The following BMP2K variants were observed in gnomAD, a reference collection of about 807,000 sequenced individuals.
BMP2K encodes the protein BMP2 inducible kinase.
Under a neutral mutation model 116.0 loss-of-function variants are expected in BMP2K, and 74 were observed. The ratio of observed to expected loss-of-function variants is 0.64; its 90% CI spans 0.53 to 0.77. The LOEUF (loss-of-function observed/expected upper bound fraction) is 0.77, where lower values mean the gene tolerates loss of function less well. Ranked by LOEUF, BMP2K falls within the 30% of genes least tolerant of loss-of-function variation. The probability of loss-of-function intolerance (pLI) is 0.00; values close to 1 mark genes in which losing one functional copy is unlikely to be tolerated. For synonymous variants in BMP2K, 486 were observed against 502.5 expected, an observed-to-expected ratio of 0.97 and a Z score of 0.44; for missense variants, 1,365 against 1,403.6, an observed-to-expected ratio of 0.97 and a Z score of 0.44.
chr4:78,865,961 A>G (rs1205659728), intron 10 of BMP2K, among the ~76,000 whole-genome samples: 1 of 152,210 alleles, frequency 6.6e-6, no homozygotes, highest in African/African-American at 2.4e-5. Context: ...TTGCTTTGAT[A>G]CTATAAATAC....
At chr4:78,785,685 C>T (rs1727693362) in intron 1 of BMP2K, among the ~76,000 whole-genome samples, 2 of 152,154 alleles carry the variant, frequency 1.3e-5, no homozygotes, top group Admixed American at 1.3e-4. Context: ...TATGACAGTA[C>T]TTTCTCTGAT....
At chr4:78,830,221 G>C (rs527664854) in intron 2 of BMP2K, among the ~76,000 whole-genome samples, 77 of 152,266 alleles carry the variant, frequency 5.1e-4, no homozygotes, top group African/African-American at 1.7e-3. Flanking sequence ...GCTCATGGGT[G>C]ACTAGGTACG....
At chr4:78,818,790 GTTT>G (rs373252130) in intron 1 of BMP2K, among the ~76,000 whole-genome samples, 14 of 129,412 alleles carry the variant, frequency 1.1e-4, no homozygotes, top group Admixed American at 3.1e-4. Flanking sequence ...ATGAAGCAGT[GTTT>G]TTTTTTTTTT....
Position 78,844,970 on chromosome 4 carries a change from T to C in BMP2K, c.589T>C (p.Cys197Arg). Residue 197 changes from cysteine to arginine, a missense_variant, in exon 5 of 16, where the codon TGT becomes CGT. Around this residue, in one of 3 missense-constraint regions of BMP2K, gnomAD observed 762 missense variants for 756.7 expected, o/e 1.01. Coordinates refer to ENST00000502613, the MANE Select transcript of BMP2K (RefSeq NM_198892.2). ...GAATGATGGTGGGAACTATGTACTTTGTGACTTTGGCAGTGCCACTAATAA... is the reference window on the plus strand; with the variant it reads ...GAATGATGGTGGGAACTATGTACTTCGTGACTTTGGCAGTGCCACTAATAA... ...LLNDGGNYVL[C>R]DFGSATNKFL... 1 of 1,600,832 alleles carries C rather than the reference T, an allele frequency of 6.2e-7. No homozygotes were observed. The highest frequency in any genetic ancestry group is 8.6e-7 in the Non-Finnish European group (1 of 1,169,292).
chr4:78,781,519 A>G (rs1727504829), intron 1 of BMP2K, among the ~76,000 whole-genome samples: 1 of 152,030 alleles, frequency 6.6e-6, no homozygotes, highest in South Asian at 2.1e-4. Flanking sequence ...GGAAATATCA[A>G]ATGGGAAGCT....
At chr4:78,873,394 G>T (rs1185430653) in intron 13 of BMP2K, among the ~76,000 whole-genome samples, 1 of 152,134 alleles carries the variant, frequency 6.6e-6, no homozygotes, top group Non-Finnish European at 1.5e-5. Flanking sequence ...ACGTGCTTTA[G>T]CATCTTGTAA....
rs145541615 is a variant in BMP2K, at chr4:78,904,494, C to A, written c.2063-6116C>A. On this transcript the variant is annotated intron_variant, in intron 15 of 15. Coordinates refer to ENST00000502613, the MANE Select transcript of BMP2K (RefSeq NM_198892.2). ...ATTTTCCTGAGAGACTGTTTACAAG[C>A]CACACAAGATAATTTAAAACTTTAT... Among the ~76,000 whole-genome samples, 347 of 152,000 alleles carry A rather than the reference C, an allele frequency of 2.3e-3. 5 individuals are homozygous for A. The highest frequency in any genetic ancestry group is 7.9e-3 in the African/African-American group (327 of 41,534).
chr4:78,836,647 CTT>C (rs1297559820), intron 3 of BMP2K, among the ~76,000 whole-genome samples: 1 of 152,158 alleles, frequency 6.6e-6, no homozygotes, highest in Non-Finnish European at 1.5e-5. Context: ...ATTTGGAAGA[CTT>C]TGTTTTTCAG....
intron 1 of BMP2K, among the ~76,000 whole-genome samples, chr4:78,810,209 T>G (rs577036808): frequency 2.0e-5 from 3 of 152,186 alleles, no homozygotes; most frequent in Admixed American, 6.5e-5. Flanking sequence ...AATTCAATAC[T>G]CCAATGCAGT....
intron 4 of BMP2K, among the ~76,000 whole-genome samples, chr4:78,842,941 G>A (rs1335816720): frequency 6.6e-6 from 1 of 151,950 alleles, no homozygotes; most frequent in African/African-American, 2.4e-5. Context: ...GAGACCATAA[G>A]TGGGTCTCTT....
At chr4:78,823,540 A>T (rs1560515826) in intron 1 of BMP2K, among the ~76,000 whole-genome samples, 1 of 146,938 alleles carries the variant, frequency 6.8e-6, no homozygotes, top group African/African-American at 2.5e-5. Flanking sequence ...ATATATGGTT[A>T]TATATATAGT....
intron 1 of BMP2K, among the ~76,000 whole-genome samples, chr4:78,821,923 C>T (rs1263182148): frequency 6.6e-6 from 1 of 152,006 alleles, no homozygotes; most frequent in East Asian, 1.9e-4. Context: ...TTAATTAAAG[C>T]ATGGAAATGA....
At chr4:78,802,542 C>A (rs551856163) in intron 1 of BMP2K, among the ~76,000 whole-genome samples, 1 of 152,276 alleles carries the variant, frequency 6.6e-6, no homozygotes, top group African/African-American at 2.4e-5. Flanking sequence ...TACATACAGT[C>A]TCCTAAATAT....
intron 1 of BMP2K, among the ~76,000 whole-genome samples, chr4:78,801,786 ACT>A (rs1023249561): frequency 6.6e-5 from 10 of 152,118 alleles, no homozygotes; most frequent in Non-Finnish European, 1.3e-4. Context: ...AACTCCTGTC[ACT>A]GTCTTCTCTC....
chr4:78,777,699 C>T (rs1394232047), intron 1 of BMP2K, among the ~76,000 whole-genome samples: 1 of 152,082 alleles, frequency 6.6e-6, no homozygotes, highest in African/African-American at 2.4e-5. Context: ...TAAAAAAAAT[C>T]GAAGAGTGGA....
At chr4:78,787,397 T>C (rs1413581957) in intron 1 of BMP2K, among the ~76,000 whole-genome samples, 1 of 152,200 alleles carries the variant, frequency 6.6e-6, no homozygotes, top group Non-Finnish European at 1.5e-5. Flanking sequence ...TAGTACATCT[T>C]TGTTTTGTGG....
At chr4:78,905,031 G>GA in intron 15 of BMP2K, among the ~76,000 whole-genome samples, 1 of 151,866 alleles carries the variant, frequency 6.6e-6, no homozygotes, top group Non-Finnish European at 1.5e-5. Context: ...TGGAATATAT[G>GA]AATGTATTCC....
intron 1 of BMP2K, among the ~76,000 whole-genome samples, chr4:78,813,373 T>G (rs1269410328): frequency 1.3e-5 from 2 of 152,200 alleles, no homozygotes; most frequent in African/African-American, 2.4e-5. Context: ...AGTGGTCATA[T>G]TAAAATTTGA....
intron 1 of BMP2K, among the ~76,000 whole-genome samples, chr4:78,798,449 T>C (rs1728405635): frequency 1.3e-5 from 2 of 152,206 alleles, no homozygotes; most frequent in Non-Finnish European, 2.9e-5. Flanking sequence ...ATAACTGGTT[T>C]TCTTTTCTTA....
Sources: gnomAD v4.1 joint callset for allele counts (sites outside exome capture counted in the v4.1 genomes callset) on GRCh38, gnomAD v4.1.1 for gene constraint, gnomAD v4.1.1 regional missense constraint, MANE v1.5 for transcripts, NCBI Gene and HGNC (gene_info 2026-07-23, HGNC 2026-07-21) for gene names.